The following LITAF variants were observed in gnomAD, a reference collection of about 807,000 sequenced individuals.
LITAF encodes lipopolysaccharide-induced tumor necrosis factor-alpha factor.
Under a neutral mutation model 14.5 loss-of-function variants are expected in LITAF, and 9 were observed. The ratio of observed to expected loss-of-function variants is 0.62; its 90% confidence interval spans 0.37 to 1.08. The LOEUF (loss-of-function observed/expected upper bound fraction) is 1.08. LITAF is among the 50% of genes least tolerant of loss of function. LITAF has a pLI of 0.01. For synonymous variants in LITAF, 98 were observed against 88.2 expected (o/e 1.11, Z -0.62); for missense variants, 206 against 213.4 (o/e 0.97, Z 0.22).
At chr16:11,592,010 C>T (rs2064849917), upstream of LITAF, among the ~76,000 whole-genome samples, 1 of 152,188 alleles carries the variant, frequency 6.6e-6, no homozygotes, top group Admixed American at 6.5e-5. Flanking sequence ...AAGGAAACAA[C>T]AGCATAAATC....
chr16:11,550,061 C>T (rs779849316), intron 3 of LITAF, among the ~76,000 whole-genome samples: 1 of 152,170 alleles, frequency 6.6e-6, no homozygotes, highest in African/African-American at 2.4e-5. Flanking sequence ...AAATGATTCT[C>T]CCTGAAGCCT....
chr16:11,580,771 T>G (rs1719443139), intron 1 of LITAF, among the ~76,000 whole-genome samples: 1 of 150,932 alleles, frequency 6.6e-6, no homozygotes, highest in Admixed American at 6.6e-5. Flanking sequence ...TATTCCTTTT[T>G]CTTTTTTATT....
intron 3 of LITAF, among the ~76,000 whole-genome samples, chr16:11,628,935 C>T (rs375899169): frequency 2.0e-5 from 3 of 152,248 alleles, no homozygotes; most frequent in Admixed American, 2.0e-4. Context: ...CTTGGCCTCC[C>T]AAAGTGCTGG....
intron 3 of LITAF, among the ~76,000 whole-genome samples, chr16:11,604,936 C>A (rs1953745834): frequency 6.6e-6 from 1 of 152,148 alleles, no homozygotes; most frequent in African/African-American, 2.4e-5. Flanking sequence ...TGTAATGAAG[C>A]CACTGCCATC....
rs118121141 is a variant in LITAF at position 11,609,128 on chromosome 16, T to C, written c.85+24405A>G. ...TGGCTAAAGGGGATGAGGTTTCTTT[T>C]GAAGCTGTAGAAAAATGTTCTGAAA... On this transcript the variant is annotated intron_variant, in intron 3 of 3. Coordinates refer to the LITAF transcript ENST00000574848. Among the ~76,000 whole-genome samples the C allele has an allele frequency of 9.5e-4, 144 of 152,102 alleles. 3 individuals are homozygous for C. The East Asian group carries it at 0.027, about 28-fold the overall frequency.
chr16:11,579,597 C>A (rs748225636), intron 1 of LITAF, among the ~76,000 whole-genome samples: 1 of 152,064 alleles, frequency 6.6e-6, no homozygotes, highest in Non-Finnish European at 1.5e-5. Context: ...AGTGGGAGAA[C>A]TGGGAACTCC....
At chr16:11,557,663 C>T (rs1199082712) in intron 1 of LITAF, among the ~76,000 whole-genome samples, 1 of 152,120 alleles carries the variant, frequency 6.6e-6, no homozygotes, top group Non-Finnish European at 1.5e-5. Flanking sequence ...GCTATCTAGG[C>T]TGGTCTTGTA....
intron 3 of LITAF, among the ~76,000 whole-genome samples, chr16:11,627,629 A>T (rs1417581698): frequency 6.6e-6 from 1 of 152,222 alleles, no homozygotes; most frequent in East Asian, 1.9e-4. Flanking sequence ...AGATCACCTG[A>T]GGTCAGCAGT....
upstream of LITAF, among the ~76,000 whole-genome samples, chr16:11,638,076 ATC>A (rs1291719929): frequency 4.8e-4 from 41 of 86,162 alleles, 2 homozygotes; most frequent in African/African-American, 1.3e-3. Flanking sequence ...CTATATATAT[ATC>A]TATATCTATC....
chr16:11,611,865 A>G (rs1054150833), intron 3 of LITAF, among the ~76,000 whole-genome samples: 1 of 151,984 alleles, frequency 6.6e-6, no homozygotes, highest in Admixed American at 6.6e-5. Flanking sequence ...GGGTTTCACC[A>G]TGTTGTCCAG....
intron 3 of LITAF, among the ~76,000 whole-genome samples, chr16:11,620,104 G>A (rs1447459348): frequency 6.6e-6 from 1 of 151,090 alleles, no homozygotes; most frequent in African/African-American, 2.4e-5. Context: ...GGAGGCAGAG[G>A]CTGCAGAGAG....
At chr16:11,587,348 G>T (rs895576716), upstream of LITAF, 2 of 451,432 alleles carry the variant, frequency 4.4e-6, no homozygotes, top group East Asian at 1.4e-4. Context: ...CTCGACCCCG[G>T]ACCCGCGCTG....
At chr16:11,597,971 A>G (rs1370488207) in intron 1 of LITAF, among the ~76,000 whole-genome samples, 3 of 152,124 alleles carry the variant, frequency 2.0e-5, no homozygotes, top group Non-Finnish European at 4.4e-5. Context: ...CAGTGGCGCT[A>G]TCATAGCTCA....
chr16:11,620,426 C>G (rs1364154492), intron 3 of LITAF, among the ~76,000 whole-genome samples: 1 of 152,154 alleles, frequency 6.6e-6, no homozygotes, highest in African/African-American at 2.4e-5. Context: ...TCGCCTTCCA[C>G]CATGACTATA....
intron 3 of LITAF, among the ~76,000 whole-genome samples, chr16:11,613,479 C>T (rs550190246): frequency 5.5e-4 from 84 of 152,276 alleles, no homozygotes; most frequent in Non-Finnish European, 9.7e-4. Context: ...TGTGTTGTTC[C>T]GCCTGTTTAG....
chr16:11,555,543 C>T (rs1254340792), intron 2 of LITAF, among the ~76,000 whole-genome samples: 1 of 151,780 alleles, frequency 6.6e-6, no homozygotes, highest in East Asian at 1.9e-4. Context: ...CCTGTAGTCT[C>T]AGCTATTCCA....
intron 3 of LITAF, among the ~76,000 whole-genome samples, chr16:11,608,607 T>TAGG (rs1253907059): frequency 6.6e-6 from 1 of 152,210 alleles, no homozygotes; most frequent in Non-Finnish European, 1.5e-5. Context: ...AAAGCACTGA[T>TAGG]ACGGGCTGCA....
chr16:11,614,130 C>A (rs968455316), intron 3 of LITAF, among the ~76,000 whole-genome samples: 4 of 152,074 alleles, frequency 2.6e-5, no homozygotes, highest in African/African-American at 9.7e-5. Flanking sequence ...CTCCCTCCTA[C>A]GGATGCTGTG....
At chr16:11,577,649 A>G (rs2064662456) in intron 1 of LITAF, among the ~76,000 whole-genome samples, 1 of 152,082 alleles carries the variant, frequency 6.6e-6, no homozygotes, top group Non-Finnish European at 1.5e-5. Flanking sequence ...AAGAAAAGAC[A>G]AATCTTCCTC....
Sources: allele counts gnomAD v4.1 joint callset (sites outside exome capture counted in the v4.1 genomes callset), GRCh38; gene constraint gnomAD v4.1.1; transcripts MANE v1.5; gene names NCBI Gene and HGNC (gene_info 2026-07-23, HGNC 2026-07-21).